Variants in NBAS observed in about 807,000 individuals in gnomAD.
NBAS encodes the protein NAG/BC035112 fusion.
A neutral mutation model predicts 302.5 loss-of-function variants in NBAS; 219 were observed. The ratio of observed to expected loss-of-function variants is 0.72; its 90% confidence interval spans 0.65 to 0.81. NBAS has a LOEUF of 0.81. NBAS is among the 30% of genes least tolerant of loss of function. The pLI, the probability that NBAS is intolerant of heterozygous loss-of-function variation, is 0.00. For missense variants in NBAS, 2,932 were observed against 2,841.6 expected, an observed-to-expected ratio of 1.03 and a Z score of -0.72; for synonymous variants, 1,118 against 1,021.6, an observed-to-expected ratio of 1.09 and a Z score of -1.80.
At position 15,330,651 on chromosome 2, in the gene NBAS, C is replaced by T. The variant is rs139954703; in HGVS notation, c.4294G>A (p.Val1432Ile). The T allele has an allele frequency of 1.2e-4, 186 of 1,614,018 alleles. No individual in the cohort carries two copies. The African/African-American group carries it at 1.2e-3, about 11-fold the overall frequency. The change falls in exon 36 of 52, where the codon GTC becomes ATC. Residue 1432 changes from valine to isoleucine, a missense_variant. Val to Ile is a conservative substitution (Grantham distance 29, BLOSUM62 3). Transcript: ENST00000281513. ...TTCTTCCACCACTGCCCATCACTGA[C>T]GGCCTGCAGCACCGCTTTGGTGGTG... is the stretch of plus-strand genomic sequence containing the variant. ...TTTTKAVLQAVSDGQWWKKSL... is the reference protein window; with the variant it reads ...TTTTKAVLQAISDGQWWKKSL...
At chr2:15,006,318 A>G in the NBAS span, among the ~76,000 whole-genome samples, 1 of 152,186 alleles carries the variant, frequency 6.6e-6, no homozygotes, top group Admixed American at 6.5e-5. Flanking sequence ...GCCAGAAAAG[A>G]GGTTTTATGC....
Position 15,556,792 on chromosome 2 carries a change from A to G in NBAS, c.200T>C (p.Ile67Thr). Residue 67 changes from isoleucine to threonine, a missense_variant, in exon 3 of 52, where the codon ATC (isoleucine) becomes ACC (threonine). Coordinates refer to ENST00000281513, the MANE Select transcript of NBAS (RefSeq NM_015909.4). ...RDRLLFLRQY[I>T]WYSPAPFLLP... ...AGAACCGAAGACTCACCTGTACCAG[A>G]TGTATTGGCGTAAAAATAATAAACG... 6.2e-7 allele frequency: 1 copy of G among 1,610,770 alleles called. No individual in the cohort carries two copies. The highest frequency in any genetic ancestry group is 8.5e-7 in the Non-Finnish European group (1 of 1,177,206).
At chr2:15,249,012 A>T (rs1668235078) in intron 44 of NBAS, among the ~76,000 whole-genome samples, 1 of 152,170 alleles carries the variant, frequency 6.6e-6, no homozygotes, top group Non-Finnish European at 1.5e-5. Flanking sequence ...AACAACAACA[A>T]AAAGAAAATT....
At chr2:14,852,767 G>C in the NBAS span, among the ~76,000 whole-genome samples, 99 of 147,378 alleles carry the variant, frequency 6.7e-4, no homozygotes, top group Non-Finnish European at 1.3e-3. Context: ...AAATAATGCC[G>C]CATACCTACA....
chr2:14,844,977 A>T, the NBAS span, among the ~76,000 whole-genome samples: 2 of 152,236 alleles, frequency 1.3e-5, no homozygotes, highest in Non-Finnish European at 2.9e-5. Flanking sequence ...CCAGCAGAAC[A>T]TGCCACCCTC....
intron 41 of NBAS, 72 bp downstream of exon 41, chr2:15,292,465 T>C: frequency 6.8e-7 from 1 of 1,466,716 alleles, no homozygotes; most frequent in Admixed American, 1.8e-5. Context: ...CTGAAATTAA[T>C]AGTCCTGGTA....
chr2:15,052,013 A>C, the NBAS span, among the ~76,000 whole-genome samples: 5 of 152,224 alleles, frequency 3.3e-5, no homozygotes, highest in Admixed American at 3.3e-4. Flanking sequence ...CTGATAACTT[A>C]TTATAGTGAC....
chr2:15,328,106 A>T lies in NBAS; in HGVS notation c.4461+93T>A, dbSNP rs115733115. 52 of 1,309,952 alleles carry T rather than the reference A, an allele frequency of 4.0e-5. No individual in the cohort carries two copies. In the African/African-American group the frequency reaches 6.7e-4, roughly 17 times the overall value. The allele number at this position is 1,309,952 out of a possible 1,614,324, so 81.1% of individuals were successfully genotyped here. ...ATAACATGAGTAAGAACCAAGACAAATAAGTATATTTTCAAGAAAATTTTA... is the reference window on the plus strand; with the variant it reads ...ATAACATGAGTAAGAACCAAGACAATTAAGTATATTTTCAAGAAAATTTTA... On this transcript the variant is annotated intron_variant, in intron 37 of 51. Transcript: ENST00000281513.
the NBAS span, among the ~76,000 whole-genome samples, chr2:14,844,914 GT>G: frequency 1.3e-5 from 2 of 152,174 alleles, no homozygotes; most frequent in Non-Finnish European, 2.9e-5. Flanking sequence ...GACTTCTAAG[GT>G]TTTTTATTTC....
At chr2:14,997,743 C>T in the NBAS span, among the ~76,000 whole-genome samples, 2 of 152,164 alleles carry the variant, frequency 1.3e-5, no homozygotes, top group Admixed American at 1.3e-4. Flanking sequence ...TAACTGGAGT[C>T]TATATTCCTT....
the NBAS span, among the ~76,000 whole-genome samples, chr2:15,073,476 C>CAA: frequency 9.1e-5 from 6 of 65,752 alleles, no homozygotes; most frequent in African/African-American, 7.5e-4. Flanking sequence ...AACTCCTTCT[C>CAA]AAAAAAAAAA....
chr2:15,285,423 C>T (rs1006502097), intron 42 of NBAS, among the ~76,000 whole-genome samples: 2 of 152,106 alleles, frequency 1.3e-5, no homozygotes, highest in African/African-American at 4.8e-5. Context: ...CTTCCTCTAC[C>T]ATTTTAAATG....
chr2:15,058,675 G>A, the NBAS span, among the ~76,000 whole-genome samples: 1 of 152,148 alleles, frequency 6.6e-6, no homozygotes, highest in Non-Finnish European at 1.5e-5. Context: ...ATGGCATGGG[G>A]TAATAGAAAG....
chr2:15,440,399 G>C (rs1284116645), intron 21 of NBAS, among the ~76,000 whole-genome samples: 1 of 152,154 alleles, frequency 6.6e-6, no homozygotes, highest in Non-Finnish European at 1.5e-5. Context: ...AGGCAAACAG[G>C]GTCTGGAGTG....
At chr2:15,201,121 T>C (rs1665857233) in intron 48 of NBAS, among the ~76,000 whole-genome samples, 1 of 152,236 alleles carries the variant, frequency 6.6e-6, no homozygotes, top group African/African-American at 2.4e-5. Context: ...GTAATCACCA[T>C]ACTCTTATCT....
chr2:15,024,244 T>C, the NBAS span, among the ~76,000 whole-genome samples: 1 of 152,068 alleles, frequency 6.6e-6, no homozygotes, highest in African/African-American at 2.4e-5. Context: ...GTTTCTCCAT[T>C]AGTTTGCTAA....
chr2:14,899,476 G>A, the NBAS span, among the ~76,000 whole-genome samples: 1 of 152,234 alleles, frequency 6.6e-6, no homozygotes, highest in South Asian at 2.1e-4. Flanking sequence ...CTCATCTGCA[G>A]CAGCTGCCAT....
the NBAS span, among the ~76,000 whole-genome samples, chr2:14,972,545 A>T: frequency 6.6e-6 from 1 of 152,214 alleles, no homozygotes; most frequent in Non-Finnish European, 1.5e-5. Flanking sequence ...CATACATATG[A>T]AATTAACCCA....
the NBAS span, among the ~76,000 whole-genome samples, chr2:14,934,553 T>G: frequency 4.6e-5 from 7 of 152,194 alleles, no homozygotes; most frequent in African/African-American, 1.4e-4. Context: ...CAACAGAGAA[T>G]TTTCCAAGCA....
Sources: gnomAD v4.1 joint callset for allele counts (sites outside exome capture counted in the v4.1 genomes callset) on GRCh38, gnomAD v4.1.1 for gene constraint, MANE v1.5 for transcripts, NCBI Gene and HGNC (gene_info 2026-07-23, HGNC 2026-07-21) for gene names.